The following KCNH8 variants were observed in gnomAD, a reference collection of about 807,000 sequenced individuals.
KCNH8 encodes the protein voltage-gated delayed rectifier potassium channel KCNH8.
Under a neutral mutation model 103.6 loss-of-function variants are expected in KCNH8, and 70 were observed. The ratio of observed to expected loss-of-function variants is 0.68; its 90% CI spans 0.56 to 0.82. The LOEUF is 0.82. Among genes scored for constraint, KCNH8 ranks in the 40% least tolerant of loss-of-function variants. The pLI, the probability that KCNH8 is intolerant of heterozygous loss-of-function variation, is 0.00. For synonymous variants in KCNH8, 498 were observed against 489.4 expected, an observed-to-expected ratio of 1.02 and a Z score of -0.23; for missense variants, 1,217 against 1,329.9, an observed-to-expected ratio of 0.92 and a Z score of 1.32.
intron 2 of KCNH8, among the ~76,000 whole-genome samples, chr3:19,263,838 G>A (rs995979761): frequency 2.0e-5 from 3 of 152,016 alleles, no homozygotes; most frequent in Admixed American, 2.0e-4. Flanking sequence ...ACACATTTGG[G>A]GACGAGTGTG....
At chr3:19,486,210 A>G (rs866914134) in intron 11 of KCNH8, among the ~76,000 whole-genome samples, 1 of 152,324 alleles carries the variant, frequency 6.6e-6, no homozygotes, top group Non-Finnish European at 1.5e-5. Context: ...GAATAGACTG[A>G]GCCCAACACC....
intron 5 of KCNH8, among the ~76,000 whole-genome samples, chr3:19,375,972 G>A (rs1440543055): frequency 6.6e-6 from 1 of 152,176 alleles, no homozygotes; most frequent in African/African-American, 2.4e-5. Context: ...ATCTCCAGCT[G>A]TGTGCTGGGA....
chr3:19,215,823 A>T (rs1435303266), intron 1 of KCNH8, among the ~76,000 whole-genome samples: 1 of 152,082 alleles, frequency 6.6e-6, no homozygotes, highest in East Asian at 1.9e-4. Context: ...AGGTGATTAC[A>T]CTCTCTTCGG....
At chr3:19,240,823 C>CT (rs35974162) in intron 1 of KCNH8, among the ~76,000 whole-genome samples, 9,327 of 151,784 alleles carry the variant, frequency 0.061, 942 homozygotes, top group African/African-American at 0.21. Flanking sequence ...TCTTGAACTC[C>CT]TTTTTTTTCC....
At chr3:19,449,805 T>G (rs541893375) in intron 8 of KCNH8, among the ~76,000 whole-genome samples, 8 of 152,148 alleles carry the variant, frequency 5.3e-5, no homozygotes, top group Non-Finnish European at 1.2e-4. Context: ...AAGTTTATCA[T>G]AACCAGAATG....
intron 7 of KCNH8, among the ~76,000 whole-genome samples, chr3:19,419,207 T>G (rs1343829848): frequency 2.8e-5 from 4 of 141,886 alleles, no homozygotes; most frequent in Admixed American, 1.4e-4. Flanking sequence ...TTTTTTTTTT[T>G]TTTTTTTTTT....
At chr3:19,463,167 G>T (rs527947631) in intron 11 of KCNH8, among the ~76,000 whole-genome samples, 3 of 152,224 alleles carry the variant, frequency 2.0e-5, no homozygotes, top group African/African-American at 7.2e-5. Flanking sequence ...TTATATCAGG[G>T]CTTAGAGCAT....
At chr3:19,493,399 C>A (rs908925099) in intron 11 of KCNH8, among the ~76,000 whole-genome samples, 1 of 152,094 alleles carries the variant, frequency 6.6e-6, no homozygotes, top group East Asian at 1.9e-4. Flanking sequence ...TTTCTCCATG[C>A]TGCTCTCGTG....
chr3:19,301,510 A>T (rs1418982132), intron 3 of KCNH8, among the ~76,000 whole-genome samples: 3 of 152,074 alleles, frequency 2.0e-5, no homozygotes, highest in African/African-American at 4.8e-5. Flanking sequence ...TCTTTCACAT[A>T]ATTTTTTCTT....
chr3:19,173,242 G>T (rs1447427519), intron 1 of KCNH8, among the ~76,000 whole-genome samples: 3 of 152,190 alleles, frequency 2.0e-5, no homozygotes, highest in African/African-American at 7.2e-5. Context: ...GCTTAGGTCT[G>T]TGAGACAGTG....
intron 3 of KCNH8, among the ~76,000 whole-genome samples, chr3:19,330,317 A>G (rs1212045223): frequency 6.6e-6 from 1 of 152,074 alleles, no homozygotes; most frequent in African/African-American, 2.4e-5. Flanking sequence ...TATTCCACAA[A>G]TACTTCCATT....
intron 7 of KCNH8, among the ~76,000 whole-genome samples, chr3:19,404,032 A>G (rs907961536): frequency 6.6e-6 from 1 of 151,942 alleles, no homozygotes; most frequent in African/African-American, 2.4e-5. Context: ...TGTATTTTCA[A>G]TTTCTTACTA....
At chr3:19,383,555 T>C (rs1034655689) in intron 5 of KCNH8, among the ~76,000 whole-genome samples, 3 of 152,088 alleles carry the variant, frequency 2.0e-5, no homozygotes, top group Non-Finnish European at 4.4e-5. Context: ...TATTTTTTAA[T>C]AGAGACGGGG....
rs79140925 is a variant in KCNH8, at chr3:19,339,073, T to G, written c.443-3514T>G. Among the ~76,000 whole-genome samples, 276 of 152,260 alleles carry G rather than the reference T, an allele frequency of 1.8e-3. 9 individuals are homozygous for G. The East Asian group carries it at 0.048, about 26-fold the overall frequency. On this transcript the variant is annotated intron_variant, in intron 3 of 15. Coordinates refer to ENST00000328405, the MANE Select transcript of KCNH8 (RefSeq NM_144633.3). ...ATATTACAGTAAAGTAGAATGATTT[T>G]CAACCCAATCTTGCATGAGGGTTCA...
At chr3:19,247,545 G>A (rs2064222138) in intron 1 of KCNH8, among the ~76,000 whole-genome samples, 1 of 152,158 alleles carries the variant, frequency 6.6e-6, no homozygotes. Flanking sequence ...GTTCCTGTTT[G>A]TTTCTTGCTC....
chr3:19,347,375 G>A (rs905910418), intron 4 of KCNH8, among the ~76,000 whole-genome samples: 14 of 152,034 alleles, frequency 9.2e-5, no homozygotes, highest in African/African-American at 3.1e-4. Flanking sequence ...CATGACAATA[G>A]GAATGTAAAT....
chr3:19,491,148 T>C (rs576363437), intron 11 of KCNH8, among the ~76,000 whole-genome samples: 26 of 152,240 alleles, frequency 1.7e-4, no homozygotes, highest in Non-Finnish European at 3.8e-4. Context: ...ATTATATACA[T>C]ATATATATGT....
At chr3:19,368,778 C>T (rs1453206132) in intron 5 of KCNH8, among the ~76,000 whole-genome samples, 5 of 151,924 alleles carry the variant, frequency 3.3e-5, no homozygotes, top group Non-Finnish European at 4.4e-5. Flanking sequence ...GACCCTGATT[C>T]CCTTGGGCTG....
chr3:19,235,558 C>T (rs1296947746), intron 1 of KCNH8, among the ~76,000 whole-genome samples: 1 of 152,058 alleles, frequency 6.6e-6, no homozygotes, highest in African/African-American at 2.4e-5. Flanking sequence ...TAATTCTGGA[C>T]GATAGGCCCT....
Sources: allele counts gnomAD v4.1 joint callset (sites outside exome capture counted in the v4.1 genomes callset), GRCh38; gene constraint gnomAD v4.1.1; transcripts MANE v1.5; gene names NCBI Gene and HGNC (gene_info 2026-07-23, HGNC 2026-07-21).